Variants in CACNA2D3 observed in about 807,000 individuals in gnomAD.
CACNA2D3 encodes the protein voltage-dependent calcium channel subunit alpha-2/delta-3.
A neutral mutation model predicts 160.6 loss-of-function variants in CACNA2D3; 60 were observed. That is an observed-to-expected ratio of 0.37 (90% CI 0.30 to 0.46). The LOEUF (loss-of-function observed/expected upper bound fraction) is 0.46, where lower values mean the gene tolerates loss of function less well. Among genes scored for constraint, CACNA2D3 ranks in the 20% least tolerant of loss-of-function variants. CACNA2D3 has a pLI of 1.00. For synonymous variants in CACNA2D3, 558 were observed against 492.9 expected (o/e 1.13, Z -1.75); for missense variants, 1,205 against 1,365.0 (o/e 0.88, Z 1.85).
chr3:54,377,458 T>A (rs1444426022), intron 3 of CACNA2D3, among the ~76,000 whole-genome samples: 2 of 152,236 alleles, frequency 1.3e-5, no homozygotes, highest in Non-Finnish European at 1.5e-5. Context: ...GAAGTTTCCT[T>A]GTTTCAATCA....
In CACNA2D3 at chr3:54,421,259, A is replaced by G. The variant is rs139373568; in HGVS notation, c.381+34485A>G. ...AGAAGACAAATCTTTCCTTGGGTGAATATCTTTGTTTGTTTATTGTTTTCT... is the reference window on the plus strand; with the variant it reads ...AGAAGACAAATCTTTCCTTGGGTGAGTATCTTTGTTTGTTTATTGTTTTCT... On this transcript the variant is annotated intron_variant, in intron 4 of 37. Transcript: ENST00000474759. Among the ~76,000 whole-genome samples, 12 of 152,298 alleles carry G rather than the reference A, an allele frequency of 7.9e-5. No individual in the cohort carries two copies. The East Asian group carries it at 1.9e-3, about 24-fold the overall frequency.
At chr3:54,838,526 G>GT in intron 15 of CACNA2D3, 42 bp from the exon 16 acceptor site, 1 of 1,490,962 alleles carries the variant, frequency 6.7e-7, no homozygotes, top group Non-Finnish European at 9.4e-7. Flanking sequence ...CTTTTGCCAA[G>GT]TTAACTTACT....
chr3:54,733,449 A>T (rs931641586), intron 11 of CACNA2D3, among the ~76,000 whole-genome samples: 1 of 152,232 alleles, frequency 6.6e-6, no homozygotes, highest in African/African-American at 2.4e-5. Context: ...AATTTGCCCT[A>T]TCCCAAAGGG....
chr3:54,436,230 A>G (rs1360325248), intron 4 of CACNA2D3, among the ~76,000 whole-genome samples: 1 of 152,260 alleles, frequency 6.6e-6, no homozygotes, highest in Non-Finnish European at 1.5e-5. Flanking sequence ...ACAATGAGAT[A>G]ACATCTCACG....
At chr3:54,625,689 T>C (rs1310747336) in intron 9 of CACNA2D3, among the ~76,000 whole-genome samples, 1 of 152,184 alleles carries the variant, frequency 6.6e-6, no homozygotes, top group Non-Finnish European at 1.5e-5. Flanking sequence ...CAAAGGTTTT[T>C]ACCATGAAGA....
At chr3:54,995,905 C>T (rs1702845811) in intron 31 of CACNA2D3, among the ~76,000 whole-genome samples, 1 of 152,188 alleles carries the variant, frequency 6.6e-6, no homozygotes, top group Non-Finnish European at 1.5e-5. Context: ...ATTCATAACT[C>T]TTCTCCTAGT....
intron 4 of CACNA2D3, among the ~76,000 whole-genome samples, chr3:54,430,597 G>A (rs1699974116): frequency 2.6e-5 from 4 of 152,110 alleles, no homozygotes; most frequent in Non-Finnish European, 5.9e-5. Context: ...ATGGGTTTTG[G>A]GTATTCTGGA....
chr3:54,722,616 CTGTT>C (rs1701190039), intron 11 of CACNA2D3, among the ~76,000 whole-genome samples: 1 of 152,082 alleles, frequency 6.6e-6, no homozygotes, highest in Non-Finnish European at 1.5e-5. Flanking sequence ...CTATTCCTTT[CTGTT>C]TGTTAGTTTT....
At chr3:54,971,410 T>G (rs1436052215) in intron 29 of CACNA2D3, among the ~76,000 whole-genome samples, 1 of 152,172 alleles carries the variant, frequency 6.6e-6, no homozygotes, top group Non-Finnish European at 1.5e-5. Context: ...ACTTGCACAG[T>G]GGGTATAATT....
At chr3:54,718,676 G>T (rs1701109475) in intron 11 of CACNA2D3, among the ~76,000 whole-genome samples, 3 of 151,876 alleles carry the variant, frequency 2.0e-5, no homozygotes. Context: ...ATATTTCCAT[G>T]CAAATTTTAG....
chr3:54,427,870 T>A (rs1471004179), intron 4 of CACNA2D3, among the ~76,000 whole-genome samples: 1 of 152,178 alleles, frequency 6.6e-6, no homozygotes, highest in African/African-American at 2.4e-5. Flanking sequence ...GATACCCTCC[T>A]CCCTGACCAG....
At chr3:54,559,577 G>C (rs1314277412) in intron 5 of CACNA2D3, among the ~76,000 whole-genome samples, 1 of 152,146 alleles carries the variant, frequency 6.6e-6, no homozygotes, top group Admixed American at 6.5e-5. Flanking sequence ...ACAGGTGTGA[G>C]CCATCACGCC....
chr3:54,819,312 C>A (rs1016407768), intron 14 of CACNA2D3, among the ~76,000 whole-genome samples: 3 of 152,186 alleles, frequency 2.0e-5, no homozygotes, highest in Non-Finnish European at 4.4e-5. Flanking sequence ...AAAGTTACTT[C>A]TCTTACCTGT....
Position 54,575,879 on chromosome 3 carries a change from C to T in CACNA2D3, c.888+5775C>T, listed in dbSNP as rs552427082. 1.2e-4 allele frequency among the ~76,000 whole-genome samples: 18 copies of T among 152,216 alleles called. No homozygotes were observed. In the East Asian group the frequency reaches 3.5e-3, roughly 29 times the overall value. On this transcript the variant is annotated intron_variant, in intron 8 of 37. Transcript: ENST00000474759. Reference sequence around the variant, plus strand: ...TTTGCAGGTGTAAGATCCCCCTACCCCAGCCCCTAAGAAGGAGCTCTTGGT... The same window carrying T: ...TTTGCAGGTGTAAGATCCCCCTACCTCAGCCCCTAAGAAGGAGCTCTTGGT...
At chr3:54,249,316 T>G (rs1015780052) in intron 2 of CACNA2D3, among the ~76,000 whole-genome samples, 1 of 152,154 alleles carries the variant, frequency 6.6e-6, no homozygotes, top group Non-Finnish European at 1.5e-5. Flanking sequence ...TTTAAATTGG[T>G]GAACAATGAG....
intron 9 of CACNA2D3, among the ~76,000 whole-genome samples, chr3:54,588,854 AG>A (rs1432940344): frequency 1.3e-5 from 2 of 151,870 alleles, no homozygotes; most frequent in East Asian, 3.9e-4. Flanking sequence ...CACAGGGTAA[AG>A]GTGTTATTTT....
chr3:54,519,879 G>A (rs998846575), intron 5 of CACNA2D3, among the ~76,000 whole-genome samples: 1 of 152,204 alleles, frequency 6.6e-6, no homozygotes, highest in Non-Finnish European at 1.5e-5. Flanking sequence ...TAACTTGGTT[G>A]GTTGAAAAGC....
chr3:54,975,554 G>T (rs1702371474), intron 29 of CACNA2D3, among the ~76,000 whole-genome samples: 1 of 149,694 alleles, frequency 6.7e-6, no homozygotes, highest in South Asian at 2.1e-4. Context: ...AAAACAACGT[G>T]GCCCCCTTTG....
chr3:55,023,398 T>C (rs1703501799), intron 35 of CACNA2D3, among the ~76,000 whole-genome samples: 1 of 152,216 alleles, frequency 6.6e-6, no homozygotes, highest in Admixed American at 6.5e-5. Context: ...AAACAATCTA[T>C]TGAGCTTTTC....
Sources: allele counts gnomAD v4.1 joint callset (sites outside exome capture counted in the v4.1 genomes callset), GRCh38; gene constraint gnomAD v4.1.1; transcripts MANE v1.5; gene names NCBI Gene and HGNC (gene_info 2026-07-23, HGNC 2026-07-21).